Variants in RTN4 observed in about 807,000 individuals in gnomAD.
The protein encoded by RTN4 is reticulon 4, also known as reticulon-4.
RTN4 carries 32 observed loss-of-function variants against 90.4 expected under a neutral mutation model. The ratio of observed to expected loss-of-function variants is 0.35; its 90% CI spans 0.27 to 0.48. RTN4 has a LOEUF of 0.48. Ranked by LOEUF, RTN4 falls within the 20% of genes least tolerant of loss-of-function variation. The pLI is 0.99. For missense variants in RTN4, 1,706 were observed against 1,430.2 expected (o/e 1.19, Z -3.11); for synonymous variants, 629 against 552.5 (o/e 1.14, Z -1.94).
At chr2:55,023,222 T>C (rs1681578724) in intron 3 of RTN4, among the ~76,000 whole-genome samples, 1 of 152,138 alleles carries the variant, frequency 6.6e-6, no homozygotes, top group Non-Finnish European at 1.5e-5. Flanking sequence ...ATCAATACAA[T>C]CATTTGCCTT....
At chr2:55,029,023 G>A (rs1170260341) in intron 1 of RTN4, among the ~76,000 whole-genome samples, 1 of 152,154 alleles carries the variant, frequency 6.6e-6, no homozygotes, top group African/African-American at 2.4e-5. Flanking sequence ...CTGAAGATGG[G>A]GACTTTGGGA....
exon 1 of RTN4, chr2:55,112,544 T>C (rs1351735801): frequency 6.6e-6 from 1 of 152,274 alleles, no homozygotes; most frequent in Non-Finnish European, 1.5e-5. Context: ...TAGAGAAGCA[T>C]CTCCCCAGAC....
At chr2:55,051,032 G>A (rs1348528), upstream of RTN4, among the ~76,000 whole-genome samples, 16,264 of 152,226 alleles carry the variant, frequency 0.11, 874 homozygotes, top group Middle Eastern at 0.15. Flanking sequence ...TGAAATAAAA[G>A]ATTATTTGTT....
chr2:55,024,949 TG>T, intron 3 of RTN4, 136 bp downstream of exon 3: 1 of 1,100,270 alleles, frequency 9.1e-7, no homozygotes, highest in Non-Finnish European at 1.3e-6. Flanking sequence ...AACCTTTAAC[TG>T]AAAAAGTGGA....
At chr2:55,089,753 C>T (rs1668904362) in intron 1 of RTN4, among the ~76,000 whole-genome samples, 1 of 152,248 alleles carries the variant, frequency 6.6e-6, no homozygotes, top group Non-Finnish European at 1.5e-5. Context: ...TTGCCTTCTT[C>T]TGGCCACCAC....
At chr2:55,049,618 G>A in intron 1 of RTN4, 127 bp downstream of exon 1, 5 of 1,464,212 alleles carry the variant, frequency 3.4e-6, no homozygotes, top group Non-Finnish European at 4.7e-6. Flanking sequence ...GGGCGCCATC[G>A]CCCCGAAGTC....
intron 3 of RTN4, among the ~76,000 whole-genome samples, chr2:55,007,595 T>G (rs1680321751): frequency 6.6e-6 from 1 of 152,126 alleles, no homozygotes. Flanking sequence ...GAACCAAGGC[T>G]TAAACCCTAG....
chr2:54,976,463 T>C (rs931221194), intron 5 of RTN4, among the ~76,000 whole-genome samples: 7 of 152,224 alleles, frequency 4.6e-5, no homozygotes, highest in Admixed American at 4.6e-4. Context: ...CACAGTGATA[T>C]GCATTCTTCC....
At chr2:54,979,752 C>T (rs563688587) in intron 5 of RTN4, among the ~76,000 whole-genome samples, 1 of 152,294 alleles carries the variant, frequency 6.6e-6, no homozygotes, top group Non-Finnish European at 1.5e-5. Flanking sequence ...CTGCCTTATT[C>T]ATTTGCCTCT....
At chr2:55,008,030 TTGTCA>T (rs1680361504) in intron 3 of RTN4, among the ~76,000 whole-genome samples, 2 of 152,216 alleles carry the variant, frequency 1.3e-5, no homozygotes, top group Non-Finnish European at 2.9e-5. Context: ...TAAATGTCAT[TTGTCA>T]TAAGTATCCT....
intron 1 of RTN4, among the ~76,000 whole-genome samples, chr2:55,034,672 C>G (rs1202872906): frequency 2.6e-5 from 4 of 152,134 alleles, no homozygotes; most frequent in Non-Finnish European, 4.4e-5. Context: ...AAACTTTGAT[C>G]TTTATGTAGG....
upstream of RTN4, among the ~76,000 whole-genome samples, chr2:55,052,856 T>G (rs1357894439): frequency 6.6e-6 from 1 of 152,212 alleles, no homozygotes; most frequent in African/African-American, 2.4e-5. Flanking sequence ...TGAAATTCCT[T>G]AATGATAAGT....
Position 54,974,716 on chromosome 2 carries a change from C to T in RTN4, c.3409G>A (p.Gly1137Ser). ...TTACCCAAAATCAGTAGTGTCAGAC[C>T]ATTAAACAAGGCACCAACATAGGTA... is the stretch of plus-strand genomic sequence containing the variant. Reference protein sequence around the residue: ...VFTYVGALFNGLTLLILALIS... With the variant: ...VFTYVGALFNSLTLLILALIS... The change falls in exon 6 of 9, where the codon GGT (glycine) becomes AGT (serine). Residue 1137 changes from glycine (G) to serine (S), a missense_variant. Gly to Ser is a moderately conservative substitution (Grantham distance 56). Coordinates refer to ENST00000337526, the MANE Select transcript of RTN4 (RefSeq NM_020532.5). The T allele has an allele frequency of 6.2e-7, 1 of 1,613,910 alleles. No homozygotes were observed. Among genetic ancestry groups the T allele is most frequent in the Non-Finnish European group, 8.5e-7 (1 of 1,179,770 alleles).
At chr2:55,095,028 A>G (rs993184016) in intron 1 of RTN4, among the ~76,000 whole-genome samples, 5 of 152,168 alleles carry the variant, frequency 3.3e-5, no homozygotes, top group African/African-American at 1.2e-4. Context: ...TGCAATATCC[A>G]AATACCATAA....
Position 55,043,777 on chromosome 2 carries a change from T to G in RTN4, c.556+5968A>C, listed in dbSNP as rs565815840. Among the ~76,000 whole-genome samples, 4 of 152,006 alleles carry G rather than the reference T, an allele frequency of 2.6e-5. No homozygotes were observed. In the East Asian group the frequency reaches 7.7e-4, roughly 29 times the overall value. ...GGCACATGCCTGTGGTCCCAGCTAC[T>G]CGGGAGGCTGAGGCAGGAGAATTGC... On this transcript the variant is annotated intron_variant, in intron 1 of 8. Transcript: ENST00000337526.
the RTN4 span, among the ~76,000 whole-genome samples, chr2:55,137,185 G>C: frequency 6.6e-6 from 1 of 152,206 alleles, no homozygotes; most frequent in Admixed American, 6.5e-5. Context: ...GCAGAGTAGA[G>C]GGAGTGTTTC....
rs1480452896 is a variant in RTN4 at position 54,981,427 on chromosome 2, T to TGGAAATG, written c.3360+1081_3360+1087dup. ...TAAATATAAACTAGAACATTTCTCT[T>TGGAAATG]GGAAATGAAAAATGAAAAATTATGA... On this transcript the variant is annotated intron_variant, in intron 5 of 8. Transcript: ENST00000337526. Among the ~76,000 whole-genome samples the TGGAAATG allele has an allele frequency of 2.0e-5, 3 of 152,278 alleles. No homozygotes were observed. In the South Asian group the frequency reaches 6.2e-4, roughly 32 times the overall value.
intron 1 of RTN4, among the ~76,000 whole-genome samples, chr2:55,048,562 G>A (rs923783274): frequency 1.8e-4 from 28 of 151,926 alleles, no homozygotes; most frequent in Middle Eastern, 3.4e-3. Flanking sequence ...CCTACACAGG[G>A]TCAAGATCAA....
At chr2:55,131,639 T>C in the RTN4 span, among the ~76,000 whole-genome samples, 4 of 152,154 alleles carry the variant, frequency 2.6e-5, no homozygotes, top group Non-Finnish European at 4.4e-5. Context: ...ATCCCAGCAC[T>C]TTGGGAAGCC....
Sources: gnomAD v4.1 joint callset for allele counts (sites outside exome capture counted in the v4.1 genomes callset) on GRCh38, gnomAD v4.1.1 for gene constraint, MANE v1.5 for transcripts, NCBI Gene and HGNC (gene_info 2026-07-23, HGNC 2026-07-21) for gene names.